The following TRAK1 variants were observed in gnomAD, a reference collection of about 807,000 sequenced individuals.
The protein encoded by TRAK1 is trafficking kinesin-binding protein 1.
TRAK1 carries 33 observed loss-of-function variants against 92.1 expected under a neutral mutation model. That is an observed-to-expected ratio of 0.36 (90% CI 0.27 to 0.48). The LOEUF (loss-of-function observed/expected upper bound fraction) is 0.48. Among genes scored for constraint, TRAK1 ranks in the 20% least tolerant of loss-of-function variants. The pLI is 0.99. For synonymous variants in TRAK1, 521 were observed against 517.3 expected (o/e 1.01, Z -0.10); for missense variants, 1,123 against 1,257.9 (o/e 0.89, Z 1.62).
chr3:42,092,827 C>T (rs979148065), intron 1 of TRAK1, among the ~76,000 whole-genome samples: 6 of 151,950 alleles, frequency 3.9e-5, no homozygotes, highest in Non-Finnish European at 8.8e-5. Context: ...CTCAAGTGAT[C>T]CCCCTGCCTC....
chr3:42,034,604 G>A (rs570999012), intron 1 of TRAK1, among the ~76,000 whole-genome samples: 6 of 152,250 alleles, frequency 3.9e-5, no homozygotes, highest in Admixed American at 6.5e-5. Context: ...GTTGTATTTC[G>A]TTAGTCTTCT....
At chr3:42,071,150 A>G (rs1703915376) in intron 1 of TRAK1, among the ~76,000 whole-genome samples, 1 of 152,224 alleles carries the variant, frequency 6.6e-6, no homozygotes, top group Admixed American at 6.5e-5. Flanking sequence ...TGTTGGAGTC[A>G]TGATTTTTTA....
chr3:42,075,632 T>A (rs1704122837), intron 1 of TRAK1, among the ~76,000 whole-genome samples: 1 of 152,196 alleles, frequency 6.6e-6, no homozygotes, highest in African/African-American at 2.4e-5. Context: ...CATACCGTTT[T>A]CTCCTCAAGC....
rs1576994093 is a variant in TRAK1, at chr3:42,202,980, G to A, written c.1744+228G>A. 8 of 1,333,176 alleles carry A rather than the reference G, an allele frequency of 6.0e-6. No homozygotes were observed. The highest frequency in any genetic ancestry group is 2.2e-5 in the South Asian group (1 of 44,506). 82.6% of individuals were successfully genotyped at this position (1,333,176 alleles called of 1,614,324 possible). On this transcript the variant is annotated intron_variant, in intron 13 of 15. Transcript: ENST00000327628. This position sits in a 1 kb window ranked among gnomAD's most constrained non-coding sequence, Gnocchi z 6.1. ...AATGCACACATAGGCCATGAAACTC[G>A]CCGAGGAAAGACAAGCATGTGCACT...
At chr3:42,220,634 G>A (rs1710257280) in intron 15 of TRAK1, 1 of 982,806 alleles carries the variant, frequency 1.0e-6, no homozygotes. Context: ...AGGGCCCTGT[G>A]GAAGGAGCTG....
chr3:42,024,344 G>A (rs1206125576), intron 1 of TRAK1, among the ~76,000 whole-genome samples: 1 of 152,194 alleles, frequency 6.6e-6, no homozygotes, highest in East Asian at 1.9e-4. Context: ...ATACATAGTA[G>A]GTATGCAGAT....
intron 1 of TRAK1, among the ~76,000 whole-genome samples, chr3:42,114,261 C>T (rs1433333176): frequency 6.6e-6 from 1 of 152,206 alleles, no homozygotes; most frequent in Non-Finnish European, 1.5e-5. Context: ...ATCTGTGCTA[C>T]TAAGAACACG....
intron 2 of TRAK1, chr3:42,160,421 A>G (rs781665054): frequency 6.8e-6 from 11 of 1,614,246 alleles, no homozygotes; most frequent in Non-Finnish European, 9.3e-6. Flanking sequence ...GCCAGGATGA[A>G]GAGAGGAAGC....
chr3:42,093,974 G>A (rs1293869426), intron 1 of TRAK1, among the ~76,000 whole-genome samples: 1 of 152,028 alleles, frequency 6.6e-6, no homozygotes, highest in East Asian at 1.9e-4. Context: ...AGAGTACTAG[G>A]ATTACAGGCG....
At chr3:42,105,913 C>G (rs1238677455) in intron 1 of TRAK1, among the ~76,000 whole-genome samples, 2 of 152,174 alleles carry the variant, frequency 1.3e-5, no homozygotes, top group African/African-American at 2.4e-5. Context: ...CATATCCAGC[C>G]AAACTAAGCT....
chr3:42,119,614 T>C (rs958025758), intron 1 of TRAK1, among the ~76,000 whole-genome samples: 24 of 152,360 alleles, frequency 1.6e-4, no homozygotes, highest in African/African-American at 5.8e-4. Context: ...GGTCATTTCC[T>C]GGGCATTGCC....
intron 2 of TRAK1, among the ~76,000 whole-genome samples, chr3:42,156,072 A>G (rs771647828): frequency 6.6e-6 from 1 of 152,186 alleles, no homozygotes; most frequent in African/African-American, 2.4e-5. Context: ...CGGCACACAC[A>G]TCTGTTACTT....
At chr3:42,212,067 T>A in intron 14 of TRAK1, 3 of 985,450 alleles carry the variant, frequency 3.0e-6, no homozygotes, top group Non-Finnish European at 3.6e-6. Flanking sequence ...CTATTTTCTC[T>A]ATTGGGAATT....
chr3:42,145,484 C>CAAAA (rs11381054), intron 2 of TRAK1, among the ~76,000 whole-genome samples: 1 of 89,680 alleles, frequency 1.1e-5, no homozygotes, highest in Non-Finnish European at 2.3e-5. Flanking sequence ...GACTCTGTCT[C>CAAAA]AAAAAAAAAA....
chr3:42,218,879 G>A lies in TRAK1; in HGVS notation c.1964-615G>A, dbSNP rs182651070. ...ATCCTGGAGCTCAGGACCCTAGAGA[G>A]CCCTGATCTCTGGAACTCTTGCCAC... On this transcript the variant is annotated intron_variant, in intron 14 of 15. Coordinates refer to ENST00000327628, the MANE Select transcript of TRAK1 (RefSeq NM_001042646.3). 3.4e-4 allele frequency: 337 copies of A among 985,380 alleles called. 2 individuals are homozygous for A. The African/African-American group carries it at 5.6e-3, about 16-fold the overall frequency. 61.0% of individuals were successfully genotyped at this position (985,380 alleles called of 1,614,324 possible). A position where few individuals can be genotyped will look rare whatever the true frequency, so the allele number is the denominator to read the frequency against.
At chr3:42,033,378 A>T (rs1559711749) in intron 1 of TRAK1, among the ~76,000 whole-genome samples, 4 of 152,150 alleles carry the variant, frequency 2.6e-5, no homozygotes, top group Non-Finnish European at 4.4e-5. Context: ...CATGTTTAAG[A>T]TCTGTGATCT....
intron 2 of TRAK1, among the ~76,000 whole-genome samples, chr3:42,169,207 A>G (rs1702245494): frequency 6.6e-6 from 1 of 151,718 alleles, no homozygotes; most frequent in African/African-American, 2.4e-5. Context: ...CATTATATGA[A>G]TGGAATCATA....
chr3:42,191,502 C>G, intron 6 of TRAK1, 56 bp from the exon 7 acceptor site: 1 of 1,530,080 alleles, frequency 6.5e-7, no homozygotes, highest in Non-Finnish European at 8.9e-7. Flanking sequence ...CAGCCCTTGC[C>G]TGCACCACCA....
chr3:42,139,485 A>G (rs1241298168), intron 2 of TRAK1, among the ~76,000 whole-genome samples: 1 of 152,108 alleles, frequency 6.6e-6, no homozygotes, highest in Non-Finnish European at 1.5e-5. Flanking sequence ...GTCTTGGGGA[A>G]GTAATCAAAG....
Sources: allele counts gnomAD v4.1 joint callset (sites outside exome capture counted in the v4.1 genomes callset), GRCh38; gene constraint gnomAD v4.1.1; non-coding constraint Gnocchi (gnomAD v3.1); transcripts MANE v1.5; gene names NCBI Gene and HGNC (gene_info 2026-07-23, HGNC 2026-07-21).